Variants in FCRL1 observed in about 807,000 individuals in gnomAD.
FCRL1 encodes Fc receptor like 1.
Under a neutral mutation model 49.2 loss-of-function variants are expected in FCRL1, and 34 were observed. The ratio of observed to expected loss-of-function variants is 0.69; its 90% CI spans 0.53 to 0.92. The LOEUF (loss-of-function observed/expected upper bound fraction) is 0.92, where lower values mean the gene tolerates loss of function less well. Ranked by LOEUF, FCRL1 falls within the 40% of genes least tolerant of loss-of-function variation. FCRL1 has a pLI of 0.00. For missense variants in FCRL1, 524 were observed against 524.1 expected (o/e 1.00, Z 0.00); for synonymous variants, 218 against 201.6 (o/e 1.08, Z -0.69).
chr1:157,802,313 G>T, intron 4 of FCRL1, 64 bp downstream of exon 4: 3 of 1,584,478 alleles, frequency 1.9e-6, no homozygotes, highest in Non-Finnish European at 8.6e-7. Flanking sequence ...AACTTTGTGT[G>T]CCCCAGGGAA....
chr1:157,810,165 G>C (rs1654096007), intron 1 of FCRL1, among the ~76,000 whole-genome samples: 1 of 152,140 alleles, frequency 6.6e-6, no homozygotes, highest in Non-Finnish European at 1.5e-5. Flanking sequence ...AAGGATGAAA[G>C]ATTGATTTAA....
intron 9 of FCRL1, chr1:157,797,599 G>A (rs1651724243): frequency 2.8e-6 from 2 of 707,904 alleles, no homozygotes; most frequent in Non-Finnish European, 4.8e-6. Context: ...GTCAGGAAGA[G>A]GTAAGCCATG....
chr1:157,797,414 G>A (rs1651690898), intron 9 of FCRL1, among the ~76,000 whole-genome samples: 1 of 152,180 alleles, frequency 6.6e-6, no homozygotes, highest in Non-Finnish European at 1.5e-5. Flanking sequence ...TGGGACAAGA[G>A]CACCAGCTAG....
At chr1:157,814,725 C>T (rs559871172) in intron 1 of FCRL1, among the ~76,000 whole-genome samples, 5 of 151,840 alleles carry the variant, frequency 3.3e-5, no homozygotes, top group African/African-American at 4.8e-5. Flanking sequence ...CTACAAGAAA[C>T]TCTACCTGTA....
intron 1 of FCRL1, among the ~76,000 whole-genome samples, chr1:157,812,248 T>A (rs1654430449): frequency 6.6e-6 from 1 of 152,152 alleles, no homozygotes; most frequent in Non-Finnish European, 1.5e-5. Flanking sequence ...GCACACCATT[T>A]CCTTGGTGTG....
At chr1:157,806,900 C>T (rs369558365) in intron 2 of FCRL1, 24 of 555,246 alleles carry the variant, frequency 4.3e-5, no homozygotes, top group African/African-American at 4.0e-4. Context: ...TGAGCAGACA[C>T]GTGTCAGGTG....
Position 157,795,859 on chromosome 1 carries a change from C to T in FCRL1, c.*240G>A, listed in dbSNP as rs41273451. On this transcript the variant is annotated 3_prime_UTR_variant, in exon 11 of 11. Coordinates refer to ENST00000368176, the MANE Select transcript of FCRL1 (RefSeq NM_052938.5). ...CAATATGACCTGTTTTCAAAGGAGC[C>T]GGCAGGAATCTGGTTCTGATAACAA... 9.9e-3 allele frequency: 4,355 copies of T among 440,368 alleles called. 49 individuals carry two copies. Among genetic ancestry groups the T allele is most frequent in the Admixed American group, 0.025 (733 of 29,464 alleles). 27.3% of individuals were successfully genotyped at this position (440,368 alleles called of 1,614,324 possible). A position where few individuals can be genotyped will look rare whatever the true frequency, so the allele number is the denominator to read the frequency against.
intron 1 of FCRL1, among the ~76,000 whole-genome samples, chr1:157,818,806 GTAT>G (rs1655408180): frequency 6.6e-6 from 1 of 152,124 alleles, no homozygotes; most frequent in African/African-American, 2.4e-5. Flanking sequence ...ATGGTGAATT[GTAT>G]TATATGTGAA....
In FCRL1 at chr1:157,801,903, C is replaced by T. The variant is rs1474328456; in HGVS notation, c.886+12G>A. The T allele has an allele frequency of 1.2e-6, 2 of 1,607,226 alleles. No homozygotes were observed. The highest frequency in any genetic ancestry group is 1.1e-5 in the South Asian group (1 of 89,748). ...GACATTGACCAAGACAGTTCCATAG[C>T]CTGAGCTATACCTGTGAAGTTGAGT... On this transcript the variant is annotated intron_variant, in intron 5 of 10. Coordinates refer to ENST00000368176, the MANE Select transcript of FCRL1 (RefSeq NM_052938.5).
intron 1 of FCRL1, among the ~76,000 whole-genome samples, chr1:157,815,187 G>T (rs1654861031): frequency 6.6e-6 from 1 of 151,854 alleles, no homozygotes; most frequent in Non-Finnish European, 1.5e-5. Flanking sequence ...CATTCTCAAG[G>T]ATAGATCATA....
chr1:157,814,116 T>C (rs1654716461), intron 1 of FCRL1, among the ~76,000 whole-genome samples: 1 of 152,088 alleles, frequency 6.6e-6, no homozygotes, highest in African/African-American at 2.4e-5. Flanking sequence ...GAAAGGACAA[T>C]AATTACTCCA....
At chr1:157,819,751 A>T (rs1655536349) in intron 1 of FCRL1, among the ~76,000 whole-genome samples, 1 of 152,150 alleles carries the variant, frequency 6.6e-6, no homozygotes, top group Admixed American at 6.5e-5. Context: ...AAAGACAATT[A>T]TTGATGGAAA....
At chr1:157,798,841 A>G (rs1184049872) in intron 7 of FCRL1, among the ~76,000 whole-genome samples, 2 of 152,196 alleles carry the variant, frequency 1.3e-5, no homozygotes, top group African/African-American at 2.4e-5. Context: ...CATTCCAGAA[A>G]TGTACATGTA....
chr1:157,820,043 C>T lies in FCRL1; in HGVS notation c.-6G>A, dbSNP rs1343072204. ...AGCAACAGCCTCGGCAGCATGAGGA[C>T]CAGGTCAGGGATGGTACCTAGAGAT... is the stretch of plus-strand genomic sequence containing the variant. On this transcript the variant is annotated 5_prime_UTR_variant, in exon 1 of 11. Coordinates refer to ENST00000368176, the MANE Select transcript of FCRL1 (RefSeq NM_052938.5). 1 of 1,613,984 alleles carries T rather than the reference C, an allele frequency of 6.2e-7. No homozygotes were observed. Among genetic ancestry groups the T allele is most frequent in the Non-Finnish European group, 8.5e-7 (1 of 1,180,012 alleles).
chr1:157,810,222 T>G (rs566298019), intron 1 of FCRL1, among the ~76,000 whole-genome samples: 1 of 152,074 alleles, frequency 6.6e-6, no homozygotes, highest in African/African-American at 2.4e-5. Context: ...CTTAAATGAG[T>G]TTACCAGGGG....
chr1:157,806,506 C>G (rs190954351), intron 2 of FCRL1: 1 of 152,298 alleles, frequency 6.6e-6, no homozygotes, highest in Non-Finnish European at 1.5e-5. Flanking sequence ...GAATCAGGAC[C>G]AGTGCAATGA....
chr1:157,798,509 C>T (rs574240340), intron 7 of FCRL1, among the ~76,000 whole-genome samples: 1 of 152,224 alleles, frequency 6.6e-6, no homozygotes, highest in East Asian at 1.9e-4. Context: ...TCATTCACAT[C>T]ATGAGTGCTC....
At chr1:157,819,502 A>G (rs1160016052) in intron 1 of FCRL1, among the ~76,000 whole-genome samples, 1 of 152,088 alleles carries the variant, frequency 6.6e-6, no homozygotes, top group East Asian at 1.9e-4. Context: ...CCCTGGGGTA[A>G]TTGAAGTCAT....
intron 1 of FCRL1, among the ~76,000 whole-genome samples, chr1:157,809,653 G>A (rs987403129): frequency 1.3e-5 from 2 of 152,174 alleles, no homozygotes; most frequent in African/African-American, 2.4e-5. Flanking sequence ...TAGAGACTGG[G>A]TTTCATCATG....
Sources: gnomAD v4.1 joint callset for allele counts (sites outside exome capture counted in the v4.1 genomes callset) on GRCh38, gnomAD v4.1.1 for gene constraint, MANE v1.5 for transcripts, NCBI Gene and HGNC (gene_info 2026-07-23, HGNC 2026-07-21) for gene names.